Variants in PTPN14 observed in about 807,000 individuals in gnomAD.
PTPN14 encodes tyrosine-protein phosphatase non-receptor type 14.
A neutral mutation model predicts 126.8 loss-of-function variants in PTPN14; 53 were observed. The ratio of observed to expected loss-of-function variants is 0.42; its 90% CI spans 0.34 to 0.53. PTPN14 has a LOEUF of 0.53. Among genes scored for constraint, PTPN14 ranks in the 20% least tolerant of loss-of-function variants. The pLI is 0.08. For missense variants in PTPN14, 1,257 were observed against 1,552.9 expected (o/e 0.81, Z 3.20); for synonymous variants, 630 against 599.3 (o/e 1.05, Z -0.75).
chr1:214,366,653 C>A (rs1658086851), intron 17 of PTPN14, among the ~76,000 whole-genome samples: 2 of 152,134 alleles, frequency 1.3e-5, no homozygotes, highest in South Asian at 2.1e-4. Flanking sequence ...TAATGCCCTG[C>A]ACAGAATACG....
chr1:214,408,795 C>G (rs1659229564), intron 5 of PTPN14, among the ~76,000 whole-genome samples: 1 of 151,966 alleles, frequency 6.6e-6, no homozygotes, highest in African/African-American at 2.4e-5. Flanking sequence ...TCATAAAGAT[C>G]TGGAGCAGGA....
At chr1:214,438,568 C>T (rs201249528) in intron 3 of PTPN14, among the ~76,000 whole-genome samples, 7 of 152,130 alleles carry the variant, frequency 4.6e-5, no homozygotes, top group African/African-American at 1.7e-4. Flanking sequence ...TTTTGGAAAT[C>T]GCCAGTCAGT....
intron 5 of PTPN14, among the ~76,000 whole-genome samples, chr1:214,403,782 T>C (rs1038205912): frequency 3.9e-5 from 6 of 152,112 alleles, no homozygotes; most frequent in African/African-American, 9.7e-5. Flanking sequence ...TTGATAGAGG[T>C]AGAGATTCTA....
rs538031657 is a variant in PTPN14, at chr1:214,541,391, G to C, written c.-155+9792C>G. Among the ~76,000 whole-genome samples the C allele has an allele frequency of 1.9e-4, 29 of 152,288 alleles. No individual in the cohort carries two copies. The South Asian group carries it at 6.0e-3, about 32-fold the overall frequency. On this transcript the variant is annotated intron_variant, in intron 1 of 18. Coordinates refer to ENST00000366956, the MANE Select transcript of PTPN14 (RefSeq NM_005401.5). ...GAGGCCAGACAAGGCTAGGAAGTTA[G>C]GTGTGATCAAGAGCTATGCAGAGCC...
chr1:214,423,166 A>G (rs572753271), intron 3 of PTPN14, among the ~76,000 whole-genome samples: 1 of 152,086 alleles, frequency 6.6e-6, no homozygotes, highest in African/African-American at 2.4e-5. Context: ...GGGGAAGGAA[A>G]GTCAGCCAAA....
chr1:214,429,771 T>G lies in PTPN14; in HGVS notation c.345-15045A>C, dbSNP rs192696931. ...AATTGTGTTAAGTTACACTACTTAC[T>G]TCATGCTAAGGATCAATATAGGGTA... On this transcript the variant is annotated intron_variant, in intron 3 of 18. Coordinates refer to ENST00000366956, the MANE Select transcript of PTPN14 (RefSeq NM_005401.5). Among the ~76,000 whole-genome samples, 3 of 152,342 alleles carry G rather than the reference T, an allele frequency of 2.0e-5. No individual in the cohort carries two copies. The East Asian group carries it at 5.8e-4, about 29-fold the overall frequency.
Position 214,353,020 on chromosome 1 carries a change from T to G in PTPN14, c.*4902A>C, listed in dbSNP as rs12747796. 1 of 152,074 alleles carries G rather than the reference T, an allele frequency of 6.6e-6. No homozygotes were observed. The highest frequency in any genetic ancestry group is 1.9e-4 in the East Asian group (1 of 5,142). The allele number at this position is 152,074 out of a possible 1,614,324, so 9.4% of individuals were successfully genotyped here. On this transcript the variant is annotated 3_prime_UTR_variant, in exon 19 of 19. Coordinates refer to ENST00000366956, the MANE Select transcript of PTPN14 (RefSeq NM_005401.5). ...TTCTGACACTGAGTAAGAACACAGG[T>G]CTGACTCAATCCCATCCCTTGAATC...
chr1:214,522,798 T>C (rs1655291637), intron 1 of PTPN14, among the ~76,000 whole-genome samples: 1 of 152,076 alleles, frequency 6.6e-6, no homozygotes, highest in Non-Finnish European at 1.5e-5. Context: ...CAACCAATTG[T>C]GAAAATAAAT....
Position 214,355,023 on chromosome 1 carries a change from T to C in PTPN14, c.*2899A>G, listed in dbSNP as rs887316481. On this transcript the variant is annotated 3_prime_UTR_variant, in exon 19 of 19. Coordinates refer to ENST00000366956, the MANE Select transcript of PTPN14 (RefSeq NM_005401.5). Reference sequence around the variant, plus strand: ...GCTGCTAATTTAACAGGAGATATGTTGGCATTTACTGGAGATGTGAAAAGG... The same window carrying C: ...GCTGCTAATTTAACAGGAGATATGTCGGCATTTACTGGAGATGTGAAAAGG... The C allele has an allele frequency of 6.6e-6, 1 of 152,260 alleles. No homozygotes were observed. Among genetic ancestry groups the C allele is most frequent in the Admixed American group, 6.5e-5 (1 of 15,282 alleles). The allele number at this position is 152,260 out of a possible 1,614,324, so 9.4% of individuals were successfully genotyped here. A position where few individuals can be genotyped will look rare whatever the true frequency, so the allele number is the denominator to read the frequency against.
At chr1:214,382,297 CAACTT>C (rs565651520) in intron 13 of PTPN14, among the ~76,000 whole-genome samples, 42 of 152,056 alleles carry the variant, frequency 2.8e-4, no homozygotes, top group Middle Eastern at 3.4e-3. Flanking sequence ...CCTGTTCTGA[CAACTT>C]AACTGTCTCC....
chr1:214,532,557 T>TG, intron 1 of PTPN14: 2 of 1,070,450 alleles, frequency 1.9e-6, no homozygotes, highest in Non-Finnish European at 2.9e-6. Context: ...GGTCAGAGAC[T>TG]GGGGGCCATT....
intron 1 of PTPN14, among the ~76,000 whole-genome samples, chr1:214,481,490 AAC>A (rs1218625113): frequency 7.2e-6 from 1 of 138,126 alleles, no homozygotes; most frequent in East Asian, 2.2e-4. Context: ...CAGCCTGGGA[AAC>A]AAGCGCGAAA....
intron 1 of PTPN14, among the ~76,000 whole-genome samples, chr1:214,486,299 C>G (rs1251339893): frequency 6.6e-6 from 1 of 152,196 alleles, no homozygotes; most frequent in Non-Finnish European, 1.5e-5. Context: ...GTCTACAGAA[C>G]AGTAAATCAA....
chr1:214,461,443 G>A (rs888427995), intron 2 of PTPN14, among the ~76,000 whole-genome samples: 2 of 151,610 alleles, frequency 1.3e-5, no homozygotes, highest in East Asian at 2.0e-4. Flanking sequence ...GACCAGCCTG[G>A]GCAATACAGT....
intron 1 of PTPN14, among the ~76,000 whole-genome samples, chr1:214,485,593 G>C (rs1478955614): frequency 6.6e-6 from 1 of 152,166 alleles, no homozygotes; most frequent in African/African-American, 2.4e-5. Context: ...AACTGACCTA[G>C]ACTTCCAACT....
chr1:214,544,063 AG>A (rs1655908680), intron 1 of PTPN14, among the ~76,000 whole-genome samples: 1 of 152,144 alleles, frequency 6.6e-6, no homozygotes, highest in Admixed American at 6.5e-5. Flanking sequence ...TAGAGGAGAT[AG>A]GAAGGTAAAC....
At chr1:214,456,356 T>G (rs971626586) in intron 2 of PTPN14, among the ~76,000 whole-genome samples, 2 of 152,238 alleles carry the variant, frequency 1.3e-5, no homozygotes, top group African/African-American at 2.4e-5. Context: ...ACAGTTTCAC[T>G]GAGGCATGGA....
chr1:214,420,610 T>C (rs1452624589), intron 3 of PTPN14, among the ~76,000 whole-genome samples: 3 of 152,212 alleles, frequency 2.0e-5, no homozygotes. Context: ...TTATAACAAA[T>C]TACAGGGAAT....
In PTPN14 at chr1:214,390,978, C is replaced by A; in HGVS notation, c.987+10G>T. 6.5e-7 allele frequency: 1 copy of A among 1,527,208 alleles called. No homozygotes were observed. The highest frequency in any genetic ancestry group is 8.9e-7 in the Non-Finnish European group (1 of 1,117,958). The allele number at this position is 1,527,208 out of a possible 1,614,324, so 94.6% of individuals were successfully genotyped here. ...TCAGATCACTTGATCACTGCAGCTT[C>A]TATACATACCAGAGAGGATCGGCTC... On this transcript the variant is annotated intron_variant, in intron 11 of 18. Transcript: ENST00000366956.
Sources: allele counts gnomAD v4.1 joint callset (sites outside exome capture counted in the v4.1 genomes callset), GRCh38; gene constraint gnomAD v4.1.1; transcripts MANE v1.5; gene names NCBI Gene and HGNC (gene_info 2026-07-23, HGNC 2026-07-21).